The following SNAP29 variants were observed in gnomAD, a reference collection of about 807,000 sequenced individuals.
The protein encoded by SNAP29 is synaptosomal-associated protein 29.
In SNAP29, 13 loss-of-function variants were observed where a neutral mutation model predicts 27.9. The ratio of observed to expected loss-of-function variants is 0.47; its 90% CI spans 0.30 to 0.74. The LOEUF is 0.74. SNAP29 is among the 30% of genes least tolerant of loss of function. The pLI is 0.06. For synonymous variants in SNAP29, 119 were observed against 127.1 expected, an observed-to-expected ratio of 0.94 and a Z score of 0.43; for missense variants, 368 against 336.5, an observed-to-expected ratio of 1.09 and a Z score of -0.73.
chr22:20,865,609 G>T (rs1245568287), intron 1 of SNAP29, among the ~76,000 whole-genome samples: 1 of 152,198 alleles, frequency 6.6e-6, no homozygotes, highest in Non-Finnish European at 1.5e-5. Flanking sequence ...AGTGTTGTAG[G>T]GAGGTGTTTG....
intron 2 of SNAP29, chr22:20,871,112 G>A (rs1273647831): frequency 2.0e-5 from 3 of 149,320 alleles, no homozygotes; most frequent in East Asian, 1.9e-4. Flanking sequence ...TACAGAGGGA[G>A]GCCCTGTCTC....
intron 1 of SNAP29, chr22:20,859,577 C>T: frequency 1.8e-6 from 1 of 568,746 alleles, no homozygotes; most frequent in Non-Finnish European, 3.1e-6. Context: ...TATTAGTCTG[C>T]TTCGTTGATT....
intron 2 of SNAP29, among the ~76,000 whole-genome samples, chr22:20,874,999 A>G (rs1928706160): frequency 6.6e-6 from 1 of 152,112 alleles, no homozygotes; most frequent in Middle Eastern, 3.4e-3. Flanking sequence ...TCCACATCCT[A>G]CATACCTCTT....
chr22:20,865,894 GT>G (rs1928447402), intron 1 of SNAP29, among the ~76,000 whole-genome samples: 1 of 152,164 alleles, frequency 6.6e-6, no homozygotes, highest in Non-Finnish European at 1.5e-5. Context: ...GGTGTCCAGA[GT>G]TTTTTGGGGA....
At chr22:20,883,270 C>A (rs896778855) in intron 3 of SNAP29, among the ~76,000 whole-genome samples, 1 of 152,134 alleles carries the variant, frequency 6.6e-6, no homozygotes, top group Admixed American at 6.6e-5. Context: ...AAAGTGAGAA[C>A]CCTCTCCTAC....
chr22:20,862,790 G>A (rs1282125677), intron 1 of SNAP29, among the ~76,000 whole-genome samples: 1 of 152,142 alleles, frequency 6.6e-6, no homozygotes, highest in East Asian at 1.9e-4. Context: ...TTCCAGGATT[G>A]GGTCAGTTCT....
chr22:20,872,647 G>A (rs367714650), intron 2 of SNAP29, among the ~76,000 whole-genome samples: 12 of 151,984 alleles, frequency 7.9e-5, no homozygotes, highest in East Asian at 5.8e-4. Context: ...TGATCCATCC[G>A]CCTCCGCCTT....
At chr22:20,859,831 T>C (rs1456893115) in intron 1 of SNAP29, among the ~76,000 whole-genome samples, 1 of 152,154 alleles carries the variant, frequency 6.6e-6, no homozygotes, top group Non-Finnish European at 1.5e-5. Flanking sequence ...GTCCACGAGT[T>C]CTTCCCGCAT....
At chr22:20,874,057 C>T (rs1490199678) in intron 2 of SNAP29, among the ~76,000 whole-genome samples, 4 of 150,274 alleles carry the variant, frequency 2.7e-5, no homozygotes, top group Non-Finnish European at 4.4e-5. Context: ...CAACGGAGCA[C>T]GAGGTCAGGA....
At chr22:20,869,438 A>G (rs556409909) in intron 1 of SNAP29, among the ~76,000 whole-genome samples, 1 of 152,320 alleles carries the variant, frequency 6.6e-6, no homozygotes, top group South Asian at 2.1e-4. Context: ...AGGCGGAGAC[A>G]GTGGTGTGTG....
chr22:20,876,579 T>C (rs1216881685), intron 2 of SNAP29, among the ~76,000 whole-genome samples: 3 of 149,470 alleles, frequency 2.0e-5, no homozygotes, highest in Non-Finnish European at 3.0e-5. Context: ...TTTTTTTTTT[T>C]TTTTTTGAGA....
intron 3 of SNAP29, among the ~76,000 whole-genome samples, chr22:20,881,618 A>C (rs1361280791): frequency 6.6e-6 from 1 of 152,180 alleles, no homozygotes; most frequent in African/African-American, 2.4e-5. Flanking sequence ...TGGACAGGAG[A>C]ATCACTTGTA....
chr22:20,891,006 CG>C lies in SNAP29; in HGVS notation c.*3172del, dbSNP rs1238315517. On this transcript the variant is annotated 3_prime_UTR_variant, in exon 5 of 5. Coordinates refer to ENST00000215730, the MANE Select transcript of SNAP29 (RefSeq NM_004782.4). ...AGAAGAATGGCGTGAACTCAGGAGG[CG>C]GAGCTTGCAGTGAGCCAAGGCGACA... 1 of 151,928 alleles carries C rather than the reference CG, an allele frequency of 6.6e-6. No homozygotes were observed. The highest frequency in any genetic ancestry group is 1.5e-5 in the Non-Finnish European group (1 of 68,004). The allele number at this position is 151,928 out of a possible 1,614,324, so 9.4% of individuals were successfully genotyped here.
chr22:20,890,692 G>A lies in SNAP29; in HGVS notation c.*2856G>A, dbSNP rs9625044. ...GAGAATGGCATGAACCTGGGAGGCA[G>A]AGCTTGCAGTGAGCCGAGACAGCGC... On this transcript the variant is annotated 3_prime_UTR_variant, in exon 5 of 5. Coordinates refer to ENST00000215730, the MANE Select transcript of SNAP29 (RefSeq NM_004782.4). 0.04 allele frequency: 6,281 copies of A among 158,828 alleles called. 438 individuals carry two copies. Among genetic ancestry groups the A allele is most frequent in the African/African-American group, 0.15 (5,867 of 38,658 alleles). 9.8% of individuals were successfully genotyped at this position (158,828 alleles called of 1,614,324 possible).
At chr22:20,875,431 T>C (rs1400883721) in intron 2 of SNAP29, among the ~76,000 whole-genome samples, 1 of 152,138 alleles carries the variant, frequency 6.6e-6, no homozygotes, top group African/African-American at 2.4e-5. Flanking sequence ...AGGAATGCAG[T>C]CTGTCTGTTG....
Position 20,890,697 on chromosome 22 carries a change from T to G in SNAP29, c.*2861T>G, listed in dbSNP as rs1323471044. ...TGGCATGAACCTGGGAGGCAGAGCT[T>G]GCAGTGAGCCGAGACAGCGCCATTG... On this transcript the variant is annotated 3_prime_UTR_variant, in exon 5 of 5. Coordinates refer to ENST00000215730, the MANE Select transcript of SNAP29 (RefSeq NM_004782.4). 5.6e-5 allele frequency: 9 copies of G among 160,662 alleles called. No homozygotes were observed. In the Admixed American group the frequency reaches 6.4e-4, roughly 12 times the overall value. The allele number at this position is 160,662 out of a possible 1,614,324, so 10.0% of individuals were successfully genotyped here.
At chr22:20,881,398 C>T (rs996116826) in intron 3 of SNAP29, among the ~76,000 whole-genome samples, 2 of 152,202 alleles carry the variant, frequency 1.3e-5, no homozygotes, top group African/African-American at 4.8e-5. Flanking sequence ...GCCTGCATTC[C>T]ATTGAAAATG....
At chr22:20,873,611 G>C (rs1363776982) in intron 2 of SNAP29, among the ~76,000 whole-genome samples, 2 of 151,928 alleles carry the variant, frequency 1.3e-5, no homozygotes, top group Non-Finnish European at 2.9e-5. Flanking sequence ...TTGGGAGACT[G>C]AGGCAGGAGG....
At chr22:20,879,174 G>A (rs1045578156) in intron 2 of SNAP29, among the ~76,000 whole-genome samples, 15 of 152,118 alleles carry the variant, frequency 9.9e-5, no homozygotes, top group African/African-American at 3.4e-4. Flanking sequence ...GGGCGTGGTA[G>A]TGGGCGCCTG....
Sources: gnomAD v4.1 joint callset for allele counts (sites outside exome capture counted in the v4.1 genomes callset) on GRCh38, gnomAD v4.1.1 for gene constraint, MANE v1.5 for transcripts, NCBI Gene and HGNC (gene_info 2026-07-23, HGNC 2026-07-21) for gene names.